RSF1: variants seen among roughly 807,000 people sequenced by gnomAD.
RSF1 encodes the protein remodeling and spacing factor 1, also known as HBV pX-associated protein 8.
In RSF1, 13 loss-of-function variants were observed where a neutral mutation model predicts 145.2. The observed-to-expected ratio is 0.09, with a 90% CI of 0.06 to 0.14. The LOEUF is 0.14. Among genes scored for constraint, RSF1 ranks in the 10% least tolerant of loss-of-function variants. The pLI, the probability that RSF1 is intolerant of heterozygous loss-of-function variation, is 1.00. For synonymous variants in RSF1, 577 were observed against 592.6 expected, an observed-to-expected ratio of 0.97 and a Z score of 0.38; for missense variants, 1,517 against 1,718.2, an observed-to-expected ratio of 0.88 and a Z score of 2.07.
the RSF1 span, among the ~76,000 whole-genome samples, chr11:77,864,170 G>A: frequency 5.9e-5 from 9 of 151,888 alleles, no homozygotes; most frequent in Admixed American, 2.0e-4. Context: ...CAGGTGATAC[G>A]CCCGCCTCAG....
the RSF1 span, among the ~76,000 whole-genome samples, chr11:77,837,167 G>A: frequency 2.6e-5 from 4 of 151,920 alleles, no homozygotes; most frequent in African/African-American, 4.8e-5. Context: ...ACGTAGTCTC[G>A]CTCTGTCACC....
the RSF1 span, among the ~76,000 whole-genome samples, chr11:77,861,780 A>G: frequency 6.6e-6 from 1 of 152,172 alleles, no homozygotes; most frequent in African/African-American, 2.4e-5. Flanking sequence ...GGCCATGACT[A>G]AAGCGGTGGC....
chr11:77,692,070 T>C (rs1479553305), intron 8 of RSF1, among the ~76,000 whole-genome samples: 1 of 151,968 alleles, frequency 6.6e-6, no homozygotes, highest in Non-Finnish European at 1.5e-5. Flanking sequence ...TTTGTACTTT[T>C]AGTAGAGATG....
intron 1 of RSF1, among the ~76,000 whole-genome samples, chr11:77,782,207 T>C (rs1037134970): frequency 2.0e-5 from 3 of 152,052 alleles, no homozygotes; most frequent in African/African-American, 4.8e-5. Context: ...TGGTGACATA[T>C]TGGAGACAGC....
intron 1 of RSF1, among the ~76,000 whole-genome samples, chr11:77,804,361 G>A (rs1008946465): frequency 2.0e-5 from 3 of 152,142 alleles, no homozygotes; most frequent in East Asian, 1.9e-4. Flanking sequence ...GTAGCCTGTC[G>A]GGTAGAAGGG....
chr11:77,811,286 T>C (rs770949459), intron 1 of RSF1, among the ~76,000 whole-genome samples: 4 of 152,244 alleles, frequency 2.6e-5, no homozygotes, highest in Non-Finnish European at 5.9e-5. Flanking sequence ...CATGGTCCTA[T>C]AGTAAGTTGA....
rs746408255 is a variant in RSF1, at chr11:77,701,525, C to T, written c.1704G>A (p.Glu568=). 6.2e-7 allele frequency: 1 copy of T among 1,613,928 alleles called. No homozygotes were observed. The highest frequency in any genetic ancestry group is 8.5e-7 in the Non-Finnish European group (1 of 1,179,988). ...STESCTMKGE[E]KSPKTKKDKR... ...TATCCTTCTTAGTTTTGGGAGACTT[C>T]TCTTCACCTTTCATGGTACACGACT... The change falls in exon 6 of 16, where the codon GAG becomes GAA. Residue 568 remains glutamate (E), a synonymous_variant. Transcript: ENST00000308488.
At chr11:77,848,054 C>T in the RSF1 span, among the ~76,000 whole-genome samples, 2 of 152,106 alleles carry the variant, frequency 1.3e-5, no homozygotes, top group Non-Finnish European at 2.9e-5. Flanking sequence ...GGTAGTCTAC[C>T]GAGTCCACCA....
At position 77,672,068 on chromosome 11, in the gene RSF1, C is replaced by T. The variant is rs752167265; in HGVS notation, c.3725G>A (p.Arg1242Gln). ...RGKEIRRVHK[R>Q]RLSSSESEES... The stretch of plus-strand genomic sequence containing the variant: ...TTCACTCTCTGAGCTGGAAAGTCTT[C>T]GCTTGTGTACTCGCCTTATTTCTTT... Residue 1242 changes from arginine to glutamine, a missense_variant, in exon 15 of 16, where the codon CGA (arginine) becomes CAA (glutamine). Coordinates refer to ENST00000308488, the MANE Select transcript of RSF1 (RefSeq NM_016578.4). 22 of 1,612,946 alleles carry T rather than the reference C, an allele frequency of 1.4e-5. No individual in the cohort carries two copies. Among genetic ancestry groups the T allele is most frequent in the Middle Eastern group, 1.6e-4 (1 of 6,076 alleles).
intron 1 of RSF1, among the ~76,000 whole-genome samples, chr11:77,803,146 G>C (rs929289327): frequency 6.6e-6 from 1 of 152,014 alleles, no homozygotes; most frequent in South Asian, 2.1e-4. Context: ...ATAGGAACTA[G>C]AGAGTGAGTT....
At position 77,772,179 on chromosome 11, in the gene RSF1, CT is replaced by C. The variant is rs552017182; in HGVS notation, c.188-7491del. On this transcript the variant is annotated intron_variant, in intron 1 of 15. Transcript: ENST00000308488. ...GTATTTGTACATTTTGTTTCTGACA[CT>C]TTTTTTTTTTTGAGACAGGGTCTCA... is the stretch of plus-strand genomic sequence containing the variant. 4.8e-3 allele frequency among the ~76,000 whole-genome samples: 707 copies of C among 146,374 alleles called. 1 individual carries two copies. The highest frequency in any genetic ancestry group is 5.2e-3 in the Non-Finnish European group (342 of 66,074).
intron 14 of RSF1, 79 bp downstream of exon 14, chr11:77,674,957 C>CAA: frequency 1.8e-6 from 2 of 1,130,162 alleles, no homozygotes; most frequent in Non-Finnish European, 2.5e-6. Flanking sequence ...CGAGATGGTG[C>CAA]CATTGCACTC....
chr11:77,779,957 C>G (rs535785970), intron 1 of RSF1, among the ~76,000 whole-genome samples: 1 of 152,302 alleles, frequency 6.6e-6, no homozygotes, highest in African/African-American at 2.4e-5. Flanking sequence ...CATCCCCTCC[C>G]ATCATGGGGT....
chr11:77,868,546 A>G, the RSF1 span, among the ~76,000 whole-genome samples: 4 of 145,944 alleles, frequency 2.7e-5, no homozygotes, highest in South Asian at 8.7e-4. Flanking sequence ...TTTAGTTGAG[A>G]TGGGGTTTCG....
In RSF1 at chr11:77,774,227, G is replaced by T. The variant is rs511930; in HGVS notation, c.188-9538C>A. On this transcript the variant is annotated intron_variant, in intron 1 of 15. Coordinates refer to ENST00000308488, the MANE Select transcript of RSF1 (RefSeq NM_016578.4). The stretch of plus-strand genomic sequence containing the variant: ...CTCAATTATTTGATGAACTGGAACA[G>T]GGACAAGAAAATAAAAAGAGAATGA... 8.4e-4 allele frequency among the ~76,000 whole-genome samples: 128 copies of T among 152,230 alleles called. 2 individuals are homozygous for T. Among genetic ancestry groups the T allele is most frequent in the Admixed American group, 6.5e-4 (10 of 15,288 alleles).
At chr11:77,749,394 G>A (rs1241364701) in intron 2 of RSF1, among the ~76,000 whole-genome samples, 1 of 152,180 alleles carries the variant, frequency 6.6e-6, no homozygotes, top group Non-Finnish European at 1.5e-5. Context: ...CTTATTGAGT[G>A]CTCGGTTGAG....
chr11:77,768,266 G>A (rs1404915073), intron 1 of RSF1, among the ~76,000 whole-genome samples: 5 of 148,690 alleles, frequency 3.4e-5, no homozygotes, highest in African/African-American at 7.5e-5. Context: ...GGGTTCAAGC[G>A]ATTCTCCTGC....
At chr11:77,759,060 AAG>A (rs1186105731) in intron 2 of RSF1, among the ~76,000 whole-genome samples, 1 of 152,096 alleles carries the variant, frequency 6.6e-6, no homozygotes, top group East Asian at 1.9e-4. Context: ...ATTTTTTTCT[AAG>A]AGTTTCATGA....
rs1260633621 is a variant in RSF1, at chr11:77,733,379, C to T, written c.578+7352G>A. Among the ~76,000 whole-genome samples, 4 of 151,922 alleles carry T rather than the reference C, an allele frequency of 2.6e-5. No homozygotes were observed. The East Asian group carries it at 7.7e-4, about 29-fold the overall frequency. On this transcript the variant is annotated intron_variant, in intron 4 of 15. Coordinates refer to ENST00000308488, the MANE Select transcript of RSF1 (RefSeq NM_016578.4). ...ATATATATTCTTTATGAAGTAACTGCTTAATAGTCTGCATATAACTTTATC... is the reference window on the plus strand; with the variant it reads ...ATATATATTCTTTATGAAGTAACTGTTTAATAGTCTGCATATAACTTTATC...
Sources: gnomAD v4.1 joint callset for allele counts (sites outside exome capture counted in the v4.1 genomes callset) on GRCh38, gnomAD v4.1.1 for gene constraint, MANE v1.5 for transcripts, NCBI Gene and HGNC (gene_info 2026-07-23, HGNC 2026-07-21) for gene names.